Variants in FMNL1 observed in about 807,000 individuals in gnomAD.
FMNL1 encodes the protein formin-like protein 1.
In FMNL1, 43 loss-of-function variants were observed where a neutral mutation model predicts 121.3. That is an observed-to-expected ratio of 0.35 (90% CI 0.28 to 0.46). FMNL1 has a LOEUF of 0.46. FMNL1 is among the 20% of genes least tolerant of loss of function. The pLI is 1.00. For synonymous variants in FMNL1, 613 were observed against 613.5 expected, an observed-to-expected ratio of 1.00 and a Z score of 0.01; for missense variants, 1,191 against 1,482.4, an observed-to-expected ratio of 0.80 and a Z score of 3.23.
intron 1 of FMNL1, among the ~76,000 whole-genome samples, chr17:45,224,938 C>T (rs1221347808): frequency 1.3e-5 from 2 of 152,248 alleles, no homozygotes; most frequent in Non-Finnish European, 2.9e-5. Context: ...GGGTGTCTTC[C>T]AGCCCCTTCA....
At chr17:45,245,479 G>C in intron 22 of FMNL1, 63 bp downstream of exon 22, 2 of 1,609,502 alleles carry the variant, frequency 1.2e-6, no homozygotes, top group Non-Finnish European at 1.7e-6. Context: ...GCACAGCCTG[G>C]AGGGGTGTGG....
chr17:45,232,570 T>C, intron 3 of FMNL1, 90 bp downstream of exon 3: 1 of 1,148,072 alleles, frequency 8.7e-7, no homozygotes, highest in Non-Finnish European at 1.3e-6. Flanking sequence ...GACTTTTCTA[T>C]GTGCGTGTGT....
chr17:45,246,649 C>T (rs1322654913), intron 26 of FMNL1, 45 bp downstream of exon 26: 4 of 1,536,652 alleles, frequency 2.6e-6, no homozygotes, highest in Non-Finnish European at 3.5e-6. Context: ...CCCACAGCCC[C>T]TGGGACCCTT....
At chr17:45,232,229 C>T in intron 2 of FMNL1, 138 bp from the exon 3 acceptor site, 1 of 712,604 alleles carries the variant, frequency 1.4e-6, no homozygotes, top group Non-Finnish European at 2.4e-6. Context: ...GGGTTTATAC[C>T]TTTGGTATTT....
chr17:45,236,515 G>A (rs1292921639), intron 7 of FMNL1: 1 of 328,020 alleles, frequency 3.0e-6, no homozygotes, highest in Non-Finnish European at 5.6e-6. Flanking sequence ...CACCTACCAA[G>A]AAGGGCTGGC....
rs1397866438 is a variant in FMNL1, at chr17:45,239,124, TG to T, written c.1080+61del. 4 of 1,418,988 alleles carry T rather than the reference TG, an allele frequency of 2.8e-6. No homozygotes were observed. In the African/African-American group the frequency reaches 5.6e-5, roughly 20 times the overall value. The allele number at this position is 1,418,988 out of a possible 1,614,324, so 87.9% of individuals were successfully genotyped here. A position where few individuals can be genotyped will look rare whatever the true frequency, so the allele number is the denominator to read the frequency against. On this transcript the variant is annotated intron_variant, in intron 11 of 26. Transcript: ENST00000331495. ...CTGCCCACGGCAGAGTATGGCTGAGTGGTTAGCAGCATGAGTGCTGGGGTCA... is the reference window on the plus strand; with the variant it reads ...CTGCCCACGGCAGAGTATGGCTGAGTGTTAGCAGCATGAGTGCTGGGGTCA...
chr17:45,243,308 A>C lies in FMNL1; in HGVS notation c.2201A>C (p.Gln734Pro), dbSNP rs1419028293. The part of the protein sequence containing the change: ...KGNLGAERIC[Q>P]AIEAYDLQAL... The stretch of plus-strand genomic sequence containing the variant: ...AACCTGGGGGCCGAGCGCATCTGCC[A>C]AGCCATTGAGGCGTGAGTGTCCCTG... The change falls in exon 17 of 27, where the codon CAA becomes CCA. Residue 734 changes from glutamine (Q) to proline (P), a missense_variant. This residue lies in a region of FMNL1 where 367 missense variants were observed against 528.6 expected (regional missense o/e 0.69). Coordinates refer to ENST00000331495, the MANE Select transcript of FMNL1 (RefSeq NM_005892.4). 1.2e-6 allele frequency: 2 copies of C among 1,613,470 alleles called. No individual in the cohort carries two copies. Among genetic ancestry groups the C allele is most frequent in the African/African-American group, 2.7e-5 (2 of 75,054 alleles).
chr17:45,225,678 T>G (rs1567954590), intron 1 of FMNL1, among the ~76,000 whole-genome samples: 1 of 151,980 alleles, frequency 6.6e-6, no homozygotes, highest in Non-Finnish European at 1.5e-5. Context: ...CCCTGGAAGG[T>G]GGCTTGGGGG....
At chr17:45,225,466 A>G (rs1407654428) in intron 1 of FMNL1, among the ~76,000 whole-genome samples, 4 of 152,132 alleles carry the variant, frequency 2.6e-5, no homozygotes, top group Non-Finnish European at 5.9e-5. Flanking sequence ...GGATGTGGCC[A>G]TGTGGTCTGA....
chr17:45,238,729 C>T (rs1598200336), intron 10 of FMNL1, 91 bp downstream of exon 10: 11 of 1,500,542 alleles, frequency 7.3e-6, no homozygotes, highest in African/African-American at 6.9e-5. Context: ...GCAATGGGCT[C>T]TGCCCCCGCA....
chr17:45,227,744 C>T (rs2043357749), intron 1 of FMNL1, among the ~76,000 whole-genome samples: 1 of 152,192 alleles, frequency 6.6e-6, no homozygotes. Flanking sequence ...CACTGAAGAG[C>T]TTTGTTAAAT....
At chr17:45,242,183 G>T in intron 15 of FMNL1, 37 bp downstream of exon 15, 1 of 1,527,274 alleles carries the variant, frequency 6.5e-7, no homozygotes, top group East Asian at 2.4e-5. Context: ...CGGGGCTGGG[G>T]GGAGATGGAG....
At chr17:45,229,132 GGT>G (rs2043388762) in intron 1 of FMNL1, among the ~76,000 whole-genome samples, 2 of 152,166 alleles carry the variant, frequency 1.3e-5, no homozygotes, top group Non-Finnish European at 2.9e-5. Flanking sequence ...AGACAGCGGT[GGT>G]TTCCTCAATC....
intron 19 of FMNL1, among the ~76,000 whole-genome samples, chr17:45,244,564 G>A (rs1385834092): frequency 6.6e-6 from 1 of 152,238 alleles, no homozygotes; most frequent in Non-Finnish European, 1.5e-5. Flanking sequence ...AGGAGGGGAT[G>A]CTGGCAACAA....
At chr17:45,229,844 G>T (rs2043402674) in intron 1 of FMNL1, among the ~76,000 whole-genome samples, 1 of 152,130 alleles carries the variant, frequency 6.6e-6, no homozygotes, top group African/African-American at 2.4e-5. Flanking sequence ...TCCCAGCTGG[G>T]CGGCCCCCAC....
intron 1 of FMNL1, 40 bp downstream of exon 1, chr17:45,222,293 G>A (rs1414761951): frequency 8.6e-7 from 1 of 1,158,592 alleles, no homozygotes; most frequent in Non-Finnish European, 1.1e-6. Context: ...CGGGCGGGGG[G>A]CGGCAGGGGC....
At position 45,233,829 on chromosome 17, in the gene FMNL1, A is replaced by T. The variant is rs2043492510; in HGVS notation, c.485+98A>T. On this transcript the variant is annotated intron_variant, in intron 5 of 26. Transcript: ENST00000331495. This position sits in a 1 kb window ranked among gnomAD's most constrained non-coding sequence, Gnocchi z 4.1. ...TCCCCTGGCCAGTTTCAAGCCAGGC[A>T]GCCCGAGCCTACCCTGGAACCCTCC... 1 of 1,493,652 alleles carries T rather than the reference A, an allele frequency of 6.7e-7. No homozygotes were observed. The highest frequency in any genetic ancestry group is 9.1e-7 in the Non-Finnish European group (1 of 1,099,502). The allele number at this position is 1,493,652 out of a possible 1,614,324, so 92.5% of individuals were successfully genotyped here. A position where few individuals can be genotyped will look rare whatever the true frequency, so the allele number is the denominator to read the frequency against.
chr17:45,246,052 C>T (rs763100600), intron 24 of FMNL1, 79 bp downstream of exon 24: 1 of 1,517,400 alleles, frequency 6.6e-7, no homozygotes, highest in Non-Finnish European at 8.8e-7. Context: ...CACCCCCACA[C>T]CCTCACTGTT....
In FMNL1 at chr17:45,245,340, G is replaced by T; in HGVS notation, c.2816G>T (p.Cys939Phe). Residue 939 changes from cysteine (C) to phenylalanine (F), a missense_variant, in exon 22 of 27, where the codon TGC becomes TTC. Cys to Phe is a radical substitution (Grantham distance 205, BLOSUM62 -2). Around this residue, in one of 4 missense-constraint regions of FMNL1, gnomAD observed 367 missense variants for 528.6 expected, o/e 0.69. Coordinates refer to ENST00000331495, the MANE Select transcript of FMNL1 (RefSeq NM_005892.4). The part of the protein sequence containing the change: ...TQREFVRQDD[C>F]MVLKEFLRAN... Reference sequence around the variant, plus strand: ...AGAGAGTTTGTGCGGCAGGATGACTGCATGGTGCTCAAGGAGTTCCTGAGG... The same window carrying T: ...AGAGAGTTTGTGCGGCAGGATGACTTCATGGTGCTCAAGGAGTTCCTGAGG... 6.2e-7 allele frequency: 1 copy of T among 1,614,214 alleles called. No individual in the cohort carries two copies. Among genetic ancestry groups the T allele is most frequent in the Non-Finnish European group, 8.5e-7 (1 of 1,180,036 alleles).
Sources: allele counts gnomAD v4.1 joint callset (sites outside exome capture counted in the v4.1 genomes callset), GRCh38; gene constraint gnomAD v4.1.1; regional missense constraint gnomAD v4.1.1; non-coding constraint Gnocchi (gnomAD v3.1); transcripts MANE v1.5; gene names NCBI Gene and HGNC (gene_info 2026-07-23, HGNC 2026-07-21).